Variants in MAP3K13 observed in about 807,000 individuals in gnomAD.
MAP3K13 encodes the protein mitogen-activated protein kinase kinase kinase 13.
Under a neutral mutation model 104.0 loss-of-function variants are expected in MAP3K13, and 52 were observed. That is an observed-to-expected ratio of 0.50 (90% CI 0.40 to 0.63). The LOEUF is 0.63. Among genes scored for constraint, MAP3K13 ranks in the 20% least tolerant of loss-of-function variants. MAP3K13 has a pLI of 0.00. For synonymous variants in MAP3K13, 394 were observed against 442.2 expected, an observed-to-expected ratio of 0.89 and a Z score of 1.37; for missense variants, 914 against 1,218.5, an observed-to-expected ratio of 0.75 and a Z score of 3.72.
intron 1 of MAP3K13, among the ~76,000 whole-genome samples, chr3:185,284,315 T>C (rs368249600): frequency 6.6e-6 from 1 of 152,228 alleles, no homozygotes; most frequent in African/African-American, 2.4e-5. Flanking sequence ...AGCTGGTGTT[T>C]ATAAGTAAGG....
chr3:185,476,204 A>G (rs1378942946), intron 11 of MAP3K13, among the ~76,000 whole-genome samples: 1 of 152,112 alleles, frequency 6.6e-6, no homozygotes, highest in Non-Finnish European at 1.5e-5. Flanking sequence ...TTTAGGCCAT[A>G]GAACACACAC....
At chr3:185,348,104 C>A (rs780060488) in intron 2 of MAP3K13, among the ~76,000 whole-genome samples, 3 of 151,988 alleles carry the variant, frequency 2.0e-5, no homozygotes, top group Non-Finnish European at 4.4e-5. Flanking sequence ...AAGCAGTGAG[C>A]TCCAACAAAT....
At chr3:185,334,122 A>C (rs1722384823) in intron 2 of MAP3K13, among the ~76,000 whole-genome samples, 1 of 152,094 alleles carries the variant, frequency 6.6e-6, no homozygotes, top group African/African-American at 2.4e-5. Flanking sequence ...AGAGCACAAC[A>C]CCTCTATACT....
At chr3:185,415,567 G>A (rs1577529113) in intron 1 of MAP3K13, among the ~76,000 whole-genome samples, 1 of 147,906 alleles carries the variant, frequency 6.8e-6, no homozygotes, top group East Asian at 2.0e-4. Flanking sequence ...AAAACCAGAA[G>A]GGTTAATTTC....
chr3:185,400,046 T>C (rs777944607), intron 1 of MAP3K13, among the ~76,000 whole-genome samples: 11 of 152,162 alleles, frequency 7.2e-5, no homozygotes, highest in Non-Finnish European at 1.5e-4. Context: ...CTCCATTTTC[T>C]ACCCTGAAAC....
chr3:185,442,983 C>T (rs768782412), intron 3 of MAP3K13, among the ~76,000 whole-genome samples: 1 of 151,992 alleles, frequency 6.6e-6, no homozygotes, highest in East Asian at 1.9e-4. Flanking sequence ...GGACTACAGG[C>T]GCGCGCCACC....
intron 1 of MAP3K13, among the ~76,000 whole-genome samples, chr3:185,366,654 T>C (rs147648284): frequency 6.6e-5 from 10 of 152,344 alleles, no homozygotes; most frequent in Admixed American, 1.3e-4. Flanking sequence ...TGGAATCTCA[T>C]TGTGGTTTTG....
upstream of MAP3K13, among the ~76,000 whole-genome samples, chr3:185,362,460 G>A (rs1723667285): frequency 6.6e-6 from 1 of 152,106 alleles, no homozygotes; most frequent in South Asian, 2.1e-4. Flanking sequence ...AACCAATGAG[G>A]AAACACTGTA....
At chr3:185,382,619 G>A (rs1724781617) in intron 1 of MAP3K13, among the ~76,000 whole-genome samples, 1 of 152,088 alleles carries the variant, frequency 6.6e-6, no homozygotes, top group Non-Finnish European at 1.5e-5. Flanking sequence ...GGGTCATGGG[G>A]GCAGATCCCT....
intron 2 of MAP3K13, among the ~76,000 whole-genome samples, chr3:185,322,181 C>T: frequency 6.6e-6 from 1 of 152,160 alleles, no homozygotes; most frequent in Middle Eastern, 3.2e-3. Context: ...GCTTCATATA[C>T]CCCAGTTTGA....
rs139001584 is a variant in MAP3K13 at position 185,473,839 on chromosome 3, G to C, written c.2430+78G>C. The C allele has an allele frequency of 4.1e-5, 56 of 1,377,280 alleles. No individual in the cohort carries two copies. The African/African-American group carries it at 5.9e-4, about 15-fold the overall frequency. The allele number at this position is 1,377,280 out of a possible 1,614,324, so 85.3% of individuals were successfully genotyped here. A position where few individuals can be genotyped will look rare whatever the true frequency, so the allele number is the denominator to read the frequency against. On this transcript the variant is annotated intron_variant, in intron 11 of 13. Transcript: ENST00000265026. This position sits in a 1 kb window ranked among gnomAD's most constrained non-coding sequence, Gnocchi z 4.9. ...AGCCTGTCATGTTATACACATTAGA[G>C]AGCATATGTAAAAAGTATACATTTT...
At chr3:185,311,124 C>A (rs1453490545) in intron 2 of MAP3K13, among the ~76,000 whole-genome samples, 9 of 152,122 alleles carry the variant, frequency 5.9e-5, no homozygotes, top group Admixed American at 6.5e-5. Context: ...ATTCCTACTC[C>A]AAGTCATAGT....
chr3:185,387,773 TC>T (rs1464575492), intron 1 of MAP3K13, among the ~76,000 whole-genome samples: 1 of 152,094 alleles, frequency 6.6e-6, no homozygotes, highest in Non-Finnish European at 1.5e-5. Context: ...ATGGTCACTT[TC>T]ACCAGTCTCA....
At chr3:185,290,607 C>T (rs1372195962) in intron 2 of MAP3K13, among the ~76,000 whole-genome samples, 2 of 152,064 alleles carry the variant, frequency 1.3e-5, no homozygotes. Context: ...GCCAGAGAGC[C>T]CAAGTTTGAA....
rs1171175246 is a variant in MAP3K13 at position 185,399,654 on chromosome 3, AAAAGGAGGGAAGGAAG to A, written c.-85-28842_-85-28827del. Among the ~76,000 whole-genome samples, 19 of 2,624 alleles carry A rather than the reference AAAAGGAGGGAAGGAAG, an allele frequency of 7.2e-3. 5 individuals carry two copies. Among genetic ancestry groups the A allele is most frequent in the Admixed American group, 8.6e-3 (1 of 116 alleles). 1.7% of individuals were successfully genotyped at this position (2,624 alleles called of 152,430 possible). On this transcript the variant is annotated intron_variant, in intron 1 of 13. Transcript: ENST00000265026. Reference sequence around the variant, plus strand: ...GGGGGGGGGGGGAGGGAGGGAGGAAAAAAGGAGGGAAGGAAGGAAGGAAGGAAGGAAGGAAGGAAGG... The same window carrying A: ...GGGGGGGGGGGGAGGGAGGGAGGAAAGAAGGAAGGAAGGAAGGAAGGAAGG...
At chr3:185,304,237 G>A (rs896379240) in intron 2 of MAP3K13, among the ~76,000 whole-genome samples, 2 of 152,190 alleles carry the variant, frequency 1.3e-5, no homozygotes, top group African/African-American at 4.8e-5. Flanking sequence ...GGCCTAACGT[G>A]TTATCTGTCC....
At chr3:185,376,950 T>C (rs1184058577) in intron 1 of MAP3K13, among the ~76,000 whole-genome samples, 2 of 151,984 alleles carry the variant, frequency 1.3e-5, no homozygotes, top group African/African-American at 4.8e-5. Context: ...GGTGTCAGGG[T>C]CAGTCCAAGT....
At chr3:185,467,354 G>C (rs997563663) in intron 10 of MAP3K13, among the ~76,000 whole-genome samples, 1 of 152,072 alleles carries the variant, frequency 6.6e-6, no homozygotes, top group Non-Finnish European at 1.5e-5. Context: ...ACACAGAATT[G>C]GGTTAGTCAT....
At chr3:185,299,088 T>C (rs1266421986) in intron 2 of MAP3K13, among the ~76,000 whole-genome samples, 1 of 152,212 alleles carries the variant, frequency 6.6e-6, no homozygotes, top group East Asian at 1.9e-4. Context: ...CAAGAGAACA[T>C]TGTTCCCATC....
Sources: gnomAD v4.1 joint callset for allele counts (sites outside exome capture counted in the v4.1 genomes callset) on GRCh38, gnomAD v4.1.1 for gene constraint, Gnocchi (gnomAD v3.1) non-coding constraint, MANE v1.5 for transcripts, NCBI Gene and HGNC (gene_info 2026-07-23, HGNC 2026-07-21) for gene names.